The following DNAI4 variants were observed in gnomAD, a reference collection of about 807,000 sequenced individuals.
DNAI4 encodes the protein dynein axonemal intermediate chain 4, also known as WD repeat domain 78.
Under a neutral mutation model 105.8 loss-of-function variants are expected in DNAI4, and 85 were observed. The observed-to-expected ratio is 0.80, with a 90% CI of 0.67 to 0.96. DNAI4 has a LOEUF of 0.96. Ranked by LOEUF, DNAI4 falls within the 40% of genes least tolerant of loss-of-function variation. The probability of loss-of-function intolerance (pLI) is 0.00; values close to 1 mark genes in which losing one functional copy is unlikely to be tolerated. For synonymous variants in DNAI4, 352 were observed against 331.5 expected (o/e 1.06, Z -0.67); for missense variants, 1,014 against 1,005.6 (o/e 1.01, Z -0.11).
chr1:66,867,706 T>C (rs923361527), intron 6 of DNAI4, among the ~76,000 whole-genome samples: 1 of 152,166 alleles, frequency 6.6e-6, no homozygotes, highest in Non-Finnish European at 1.5e-5. Flanking sequence ...TTTTTTTAGT[T>C]GATATTCCTG....
chr1:66,908,458 C>T (rs1649417924), intron 1 of DNAI4, among the ~76,000 whole-genome samples: 2 of 152,196 alleles, frequency 1.3e-5, no homozygotes, highest in Non-Finnish European at 2.9e-5. Context: ...AGCTCCTGTG[C>T]CCCAGAACCT....
chr1:66,822,676 T>A (rs1027750133), intron 15 of DNAI4, among the ~76,000 whole-genome samples, 159 bp from the exon 16 acceptor site: 2 of 152,142 alleles, frequency 1.3e-5, no homozygotes, highest in African/African-American at 2.4e-5. Flanking sequence ...CACTCCTTAC[T>A]CAATCAAAAC....
In DNAI4 at chr1:66,919,663, C is replaced by G. The variant is rs557999134; in HGVS notation, c.170+4999G>C. On this transcript the variant is annotated intron_variant, in intron 1 of 16. Transcript: ENST00000371026. ...TTCTAGCAGGTGGATAGGAAGTAAT[C>G]TTTCTAAAATATACCTAGAATGTTA... 2.0e-4 allele frequency among the ~76,000 whole-genome samples: 31 copies of G among 152,302 alleles called. No homozygotes were observed. In the East Asian group the frequency reaches 5.6e-3, roughly 27 times the overall value.
In DNAI4 at chr1:66,840,507, G is replaced by A; in HGVS notation, c.1456C>T (p.Leu486Phe). Reference protein sequence around the residue: ...WSFSCDLTKGLNVSSLAWNKT... With the variant: ...WSFSCDLTKGFNVSSLAWNKT... Reference sequence around the variant, plus strand: ...TTCCAGGCAAGGCTGCTCACATTGAGGCCTTTGGTTAAGTCACAGGAAAAA... The same window carrying A: ...TTCCAGGCAAGGCTGCTCACATTGAAGCCTTTGGTTAAGTCACAGGAAAAA... The change falls in exon 9 of 17, where the codon CTC becomes TTC. Residue 486 changes from leucine to phenylalanine, a missense_variant. By Grantham distance (22) the Leu-to-Phe change is conservative. Transcript: ENST00000371026. 6.2e-7 allele frequency: 1 copy of A among 1,614,134 alleles called. No individual in the cohort carries two copies. The highest frequency in any genetic ancestry group is 8.5e-7 in the Non-Finnish European group (1 of 1,180,018).
chr1:66,834,878 T>TA (rs1368374852), intron 11 of DNAI4, among the ~76,000 whole-genome samples: 1 of 152,176 alleles, frequency 6.6e-6, no homozygotes, highest in African/African-American at 2.4e-5. Context: ...GGCCTATGCT[T>TA]ACAAAACTGC....
Position 66,836,198 on chromosome 1 carries a change from A to AGAG in DNAI4, c.1582-422_1582-421insCTC, listed in dbSNP as rs1645992873. Among the ~76,000 whole-genome samples the AGAG allele has an allele frequency of 4.6e-4, 29 of 62,930 alleles. 1 individual carries two copies. The highest frequency in any genetic ancestry group is 8.0e-4 in the Admixed American group (5 of 6,250). 41.3% of individuals were successfully genotyped at this position (62,930 alleles called of 152,430 possible). On this transcript the variant is annotated intron_variant, in intron 10 of 16. Transcript: ENST00000371026. ...AAAGAAAGAAAGAAAGAAAGAAAGA[A>AGAG]AGAAAGAAAGAGAGAGAGAGAGAGA... is the stretch of plus-strand genomic sequence containing the variant.
At position 66,868,725 on chromosome 1, in the gene DNAI4, C is replaced by T. The variant is rs74078495; in HGVS notation, c.940+2645G>A. On this transcript the variant is annotated intron_variant, in intron 6 of 16. Transcript: ENST00000371026. ...GGCAGATTATGGTACTTCTCAGCCT[C>T]CATAATTACATAAGCCAATGCCCTG... Among the ~76,000 whole-genome samples the T allele has an allele frequency of 1.5e-3, 229 of 152,126 alleles. 1 individual carries two copies. The highest frequency in any genetic ancestry group is 5.1e-3 in the African/African-American group (210 of 41,494).
intron 2 of DNAI4, 38 bp from the exon 3 acceptor site, chr1:66,893,451 A>C (rs1361820464): frequency 5.1e-6 from 7 of 1,371,682 alleles, no homozygotes; most frequent in Non-Finnish European, 6.8e-6. Context: ...ATAACTAAAA[A>C]AGACAGGGCT....
intron 7 of DNAI4, among the ~76,000 whole-genome samples, chr1:66,854,394 A>G (rs1053815809): frequency 6.6e-6 from 1 of 152,170 alleles, no homozygotes; most frequent in Admixed American, 6.5e-5. Flanking sequence ...CTATCTCAAA[A>G]CAAAACAAAC....
chr1:66,843,155 G>A (rs1646188733), intron 8 of DNAI4, among the ~76,000 whole-genome samples: 1 of 123,666 alleles, frequency 8.1e-6, no homozygotes, highest in South Asian at 2.9e-4. Flanking sequence ...AGCCGTGATT[G>A]TGCCACTGTA....
At chr1:66,848,345 G>A (rs908753252) in intron 7 of DNAI4, 3 of 442,778 alleles carry the variant, frequency 6.8e-6, no homozygotes, top group African/African-American at 6.1e-5. Context: ...AGTACCCCAT[G>A]TGATTAGACT....
At chr1:66,842,644 A>C (rs1572632303) in intron 8 of DNAI4, among the ~76,000 whole-genome samples, 2 of 152,014 alleles carry the variant, frequency 1.3e-5, no homozygotes, top group Admixed American at 6.5e-5. Context: ...TGGCCTGCCC[A>C]CCTCAGCCTC....
rs780323647 is a variant in DNAI4, at chr1:66,826,889, G to A, written c.2270C>T (p.Pro757Leu). The change falls in exon 15 of 17, where the codon CCA becomes CTA. Residue 757 changes from proline (P) to leucine (L), a missense_variant. By Grantham distance (98) the Pro-to-Leu change is moderately conservative. Coordinates refer to ENST00000371026, the MANE Select transcript of DNAI4 (RefSeq NM_024763.5). ...AGCTGCAAATATATAGGATGATTTT[G>A]GAGACCAGGCAACGTCGTAAACAAC... ...TSVVYDVAWS[P>L]KSSYIFAAAN... 1 of 1,614,068 alleles carries A rather than the reference G, an allele frequency of 6.2e-7. No individual in the cohort carries two copies. The highest frequency in any genetic ancestry group is 8.5e-7 in the Non-Finnish European group (1 of 1,180,010).
At chr1:66,901,585 T>TAC (rs1648825820) in intron 2 of DNAI4, among the ~76,000 whole-genome samples, 1 of 152,220 alleles carries the variant, frequency 6.6e-6, no homozygotes, top group Admixed American at 6.5e-5. Context: ...TGTGTATATA[T>TAC]ACCACTTTTT....
At chr1:66,895,270 G>C (rs2100788930) in intron 2 of DNAI4, among the ~76,000 whole-genome samples, 1 of 152,276 alleles carries the variant, frequency 6.6e-6, no homozygotes, top group Middle Eastern at 3.4e-3. Flanking sequence ...CTTGAGGCTA[G>C]GGGTTTGAGA....
intron 6 of DNAI4, 116 bp from the exon 7 acceptor site, chr1:66,862,418 C>A (rs1646647222): frequency 1.1e-5 from 12 of 1,132,320 alleles, no homozygotes; most frequent in Non-Finnish European, 1.5e-5. Context: ...TTGCCTGATG[C>A]AGTTGCCCGT....
In DNAI4 at chr1:66,905,330, T is replaced by G. The variant is rs141845912; in HGVS notation, c.216A>C (p.Thr72=). Residue 72 remains threonine (T), a synonymous_variant, in exon 2 of 17, where the codon ACA becomes ACC. Transcript: ENST00000371026. ...QPKKSISFFA[T]MKATSVKGYT... is the part of the protein sequence containing the mutation. ...ATCCTTTCACTGAAGTTGCTTTCAT[T>G]GTAGCAAAAAAGCTAATAGACTTCT... 176 of 1,524,866 alleles carry G rather than the reference T, an allele frequency of 1.2e-4. No individual in the cohort carries two copies. The highest frequency in any genetic ancestry group is 1.7e-4 in the Middle Eastern group (1 of 5,760). The allele number at this position is 1,524,866 out of a possible 1,614,324, so 94.5% of individuals were successfully genotyped here.
At chr1:66,913,907 G>A (rs779646426) in intron 1 of DNAI4, among the ~76,000 whole-genome samples, 1 of 151,626 alleles carries the variant, frequency 6.6e-6, no homozygotes, top group South Asian at 2.1e-4. Flanking sequence ...GTGTGAACCC[G>A]GAGCAGGCGG....
chr1:66,840,439 A>T (rs765610705), intron 9 of DNAI4, 30 bp downstream of exon 9: 15 of 1,584,092 alleles, frequency 9.5e-6, no homozygotes, highest in Admixed American at 3.3e-5. Context: ...AATGCTAGAA[A>T]CAGAATTGTT....
Sources: gnomAD v4.1 joint callset for allele counts (sites outside exome capture counted in the v4.1 genomes callset) on GRCh38, gnomAD v4.1.1 for gene constraint, MANE v1.5 for transcripts, NCBI Gene and HGNC (gene_info 2026-07-23, HGNC 2026-07-21) for gene names.